The following DACT2 variants were observed in gnomAD, a reference collection of about 807,000 sequenced individuals.
The protein encoded by DACT2 is dishevelled binding antagonist of beta catenin 2.
In DACT2, 20 loss-of-function variants were observed where a neutral mutation model predicts 22.2. The ratio of observed to expected loss-of-function variants is 0.90; its 90% CI spans 0.63 to 1.31. DACT2 has a LOEUF of 1.31. Ranked by LOEUF, DACT2 falls within the 50% of genes most tolerant of loss-of-function variation. The pLI, the probability that DACT2 is intolerant of heterozygous loss-of-function variation, is 0.00. For synonymous variants in DACT2, 463 were observed against 479.8 expected, an observed-to-expected ratio of 0.96 and a Z score of 0.46; for missense variants, 1,048 against 1,061.4, an observed-to-expected ratio of 0.99 and a Z score of 0.18.
chr6:168,293,954 T>C (rs1778955151), intron 5 of DACT2: 1 of 703,310 alleles, frequency 1.4e-6, no homozygotes. Flanking sequence ...GTAAGTGACG[T>C]CCCCAGGGAT....
intron 1 of DACT2, among the ~76,000 whole-genome samples, chr6:168,311,592 A>T (rs1348397329): frequency 1.7e-5 from 1 of 58,308 alleles, no homozygotes; most frequent in Admixed American, 2.6e-4. Context: ...ATCCACACAC[A>T]CACATACACA....
chr6:168,300,831 AAAAAATT>A (rs1442710722), intron 3 of DACT2, among the ~76,000 whole-genome samples: 2 of 151,984 alleles, frequency 1.3e-5, no homozygotes, highest in Non-Finnish European at 2.9e-5. Flanking sequence ...CTAAAGATAT[AAAAAATT>A]AGCCAGGCGT....
intron 3 of DACT2, among the ~76,000 whole-genome samples, chr6:168,296,889 G>C (rs148283591): frequency 6.6e-6 from 1 of 152,016 alleles, no homozygotes; most frequent in East Asian, 1.9e-4. Context: ...AGTGATACTC[G>C]CAAAACCTGT....
At chr6:168,310,144 C>G in intron 3 of DACT2, 24 bp downstream of exon 3, 1 of 1,546,796 alleles carries the variant, frequency 6.5e-7, no homozygotes, top group African/African-American at 1.4e-5. Context: ...GATGAGACCC[C>G]CACCTTCCCT....
intron 1 of DACT2, 64 bp downstream of exon 1, chr6:168,319,324 C>A: frequency 1.7e-6 from 2 of 1,174,126 alleles, no homozygotes; most frequent in Non-Finnish European, 2.1e-6. Flanking sequence ...ACAGTCGCTG[C>A]CGAAGGAGCA....
At chr6:168,311,955 C>G (rs73789364) in intron 1 of DACT2, among the ~76,000 whole-genome samples, 7,135 of 152,232 alleles carry the variant, frequency 0.047, 581 homozygotes, top group African/African-American at 0.16. Context: ...TCGGCCGCCT[C>G]TGGGTCCTTG....
chr6:168,319,048 G>T (rs374905912), intron 1 of DACT2, among the ~76,000 whole-genome samples: 2 of 152,152 alleles, frequency 1.3e-5, no homozygotes, highest in African/African-American at 4.8e-5. Flanking sequence ...CTGCAGGTCA[G>T]ATCAGTGCTG....
intron 3 of DACT2, among the ~76,000 whole-genome samples, chr6:168,300,971 T>C (rs1486029389): frequency 6.6e-6 from 1 of 151,850 alleles, no homozygotes; most frequent in East Asian, 1.9e-4. Flanking sequence ...GGGCGACAGA[T>C]TGACTCTGTC....
intron 3 of DACT2, among the ~76,000 whole-genome samples, chr6:168,300,795 G>A (rs1779088408): frequency 6.6e-6 from 1 of 152,032 alleles, no homozygotes; most frequent in Non-Finnish European, 1.5e-5. Context: ...GACCATCCTG[G>A]CCAACATGGT....
chr6:168,302,381 C>T (rs1583291845), downstream of DACT2, among the ~76,000 whole-genome samples: 1 of 152,322 alleles, frequency 6.6e-6, no homozygotes, highest in East Asian at 1.9e-4. Context: ...GGACCATTTA[C>T]CCACCACTGC....
chr6:168,296,000 A>AT (rs1420689248), intron 3 of DACT2, among the ~76,000 whole-genome samples: 1 of 151,668 alleles, frequency 6.6e-6, no homozygotes, highest in Non-Finnish European at 1.5e-5. Context: ...GGAGATGGTC[A>AT]TGGAGGTCAT....
At chr6:168,311,929 G>A (rs1015395391) in intron 1 of DACT2, among the ~76,000 whole-genome samples, 7 of 152,254 alleles carry the variant, frequency 4.6e-5, no homozygotes, top group Admixed American at 6.5e-5. Context: ...GCCCAGGTGC[G>A]GTGGCGTCCT....
chr6:168,310,181 C>T lies in DACT2; in HGVS notation c.645G>A (p.Arg215=). Reference sequence around the variant, plus strand: ...GCAGTTTCTTACCTGTAGACACAGGCCTGGGCCAGAATGTGCCCCACGGCT... The same window carrying T: ...GCAGTTTCTTACCTGTAGACACAGGTCTGGGCCAGAATGTGCCCCACGGCT... ...AGQPWGTFWP[R]PVSTGDLDRA... The change falls in exon 3 of 4, where the codon AGG becomes AGA. Residue 215 remains arginine (R), a synonymous_variant. Coordinates refer to ENST00000366795, the MANE Select transcript of DACT2 (RefSeq NM_214462.5). 6.5e-7 allele frequency: 1 copy of T among 1,550,134 alleles called. No homozygotes were observed.
intron 1 of DACT2, 43 bp downstream of exon 1, chr6:168,319,345 C>T: frequency 8.4e-7 from 1 of 1,189,874 alleles, no homozygotes; most frequent in Non-Finnish European, 1.0e-6. Flanking sequence ...GCGCCTGTGG[C>T]CCGCACACCT....
At position 168,319,524 on chromosome 6, in the gene DACT2, G is replaced by A. The variant is rs1157512425; in HGVS notation, c.110C>T (p.Ala37Val). 1 of 1,360,726 alleles carries A rather than the reference G, an allele frequency of 7.3e-7. No individual in the cohort carries two copies. The highest frequency in any genetic ancestry group is 9.5e-7 in the Non-Finnish European group (1 of 1,048,454). The allele number at this position is 1,360,726 out of a possible 1,614,324, so 84.3% of individuals were successfully genotyped here. A position where few individuals can be genotyped will look rare whatever the true frequency, so the allele number is the denominator to read the frequency against. The change falls in exon 1 of 4, where the codon GCC becomes GTC. Residue 37 changes from alanine (A) to valine (V), a missense_variant. Coordinates refer to ENST00000366795, the MANE Select transcript of DACT2 (RefSeq NM_214462.5). ...AGLQELQGLR[A>V]TQQERVRGAL... ...GCCCCGTACCCGCTCCTGCTGCGTG[G>A]CTCGCAGCCCCTGCAGCTCCTGCAG...
At chr6:168,294,640 T>TGTA in exon 4 of DACT2, 1 of 1,450,392 alleles carries the variant, frequency 6.9e-7, no homozygotes, top group Non-Finnish European at 9.0e-7. Context: ...TACCTGTCAG[T>TGTA]GAACTGGAGG....
At chr6:168,300,384 G>T (rs1044775549) in intron 3 of DACT2, 1 of 152,304 alleles carries the variant, frequency 6.6e-6, no homozygotes, top group African/African-American at 2.4e-5. Flanking sequence ...CTGCTTCATC[G>T]TCATGGAACC....
chr6:168,316,322 C>T (rs1177271796), intron 1 of DACT2, among the ~76,000 whole-genome samples: 1 of 139,526 alleles, frequency 7.2e-6, no homozygotes, highest in Non-Finnish European at 1.6e-5. Flanking sequence ...GCAGAAGCTG[C>T]GATTGTGTCT....
chr6:168,309,099 C>G lies in DACT2; in HGVS notation c.659-1G>C. 6.6e-7 allele frequency: 1 copy of G among 1,509,088 alleles called. No individual in the cohort carries two copies. Among genetic ancestry groups the G allele is most frequent in the Non-Finnish European group, 8.8e-7 (1 of 1,130,434 alleles). The allele number at this position is 1,509,088 out of a possible 1,614,324, so 93.5% of individuals were successfully genotyped here. A position where few individuals can be genotyped will look rare whatever the true frequency, so the allele number is the denominator to read the frequency against. On this transcript the variant is annotated splice_acceptor_variant, in intron 3 of 3. Transcript: ENST00000366795. LOFTEE classifies it high-confidence loss of function. ...GCCGGCAGGGCTCTGTCAAGATCACCTGGGAGCGAGAAAAATGAACAAACA... is the reference window on the plus strand; with the variant it reads ...GCCGGCAGGGCTCTGTCAAGATCACGTGGGAGCGAGAAAAATGAACAAACA...
Sources: allele counts gnomAD v4.1 joint callset (sites outside exome capture counted in the v4.1 genomes callset), GRCh38; gene constraint gnomAD v4.1.1; transcripts MANE v1.5; gene names NCBI Gene and HGNC (gene_info 2026-07-23, HGNC 2026-07-21).